DAAM1: variants seen among roughly 807,000 people sequenced by gnomAD.
The protein encoded by DAAM1 is disheveled-associated activator of morphogenesis 1.
In DAAM1, 52 loss-of-function variants were observed where a neutral mutation model predicts 130.0. The ratio of observed to expected loss-of-function variants is 0.40; its 90% CI spans 0.32 to 0.50. The LOEUF (loss-of-function observed/expected upper bound fraction) is 0.50, where lower values mean the gene tolerates loss of function less well. DAAM1 is among the 20% of genes least tolerant of loss of function. DAAM1 has a pLI of 0.61. For synonymous variants in DAAM1, 452 were observed against 444.5 expected (o/e 1.02, Z -0.21); for missense variants, 1,134 against 1,303.8 (o/e 0.87, Z 2.01).
rs139036975 is a variant in DAAM1, at chr14:59,217,696, G to A, written c.-38+28928G>A. 6.7e-3 allele frequency among the ~76,000 whole-genome samples: 1,020 copies of A among 152,188 alleles called. 15 individuals carry two copies. Among genetic ancestry groups the A allele is most frequent in the African/African-American group, 0.023 (957 of 41,508 alleles). On this transcript the variant is annotated intron_variant, in intron 1 of 24. Coordinates refer to ENST00000360909, the MANE Select transcript of DAAM1 (RefSeq NM_001270520.2). The stretch of plus-strand genomic sequence containing the variant: ...TACAAAAAAGTACAAAAATGAGCCA[G>A]GCACAGTGGCTCATGCCTGTAATCC...
chr14:59,254,077 A>G lies in DAAM1; in HGVS notation c.-37-9364A>G, dbSNP rs1055454388. Among the ~76,000 whole-genome samples, 4 of 152,146 alleles carry G rather than the reference A, an allele frequency of 2.6e-5. No individual in the cohort carries two copies. The East Asian group carries it at 7.7e-4, about 29-fold the overall frequency. On this transcript the variant is annotated intron_variant, in intron 1 of 24. Coordinates refer to ENST00000360909, the MANE Select transcript of DAAM1 (RefSeq NM_001270520.2). ...CCAAAGGGTGGACTGCTTGTTTGGG[A>G]AGATCTGAAGCCTTAAATACCAAAA...
In DAAM1 at chr14:59,230,318, TC is replaced by T. The variant is rs1423482957; in HGVS notation, c.-37-33117del. 6.9e-5 allele frequency among the ~76,000 whole-genome samples: 10 copies of T among 144,180 alleles called. No homozygotes were observed. In the East Asian group the frequency reaches 1.0e-3, roughly 15 times the overall value. The allele number at this position is 144,180 out of a possible 152,430, so 94.6% of individuals were successfully genotyped here. ...ATGCTTAGAGGCTTTTTTTTTTTTT[TC>T]CCCCCACAAGCTAGGATTCCCTTAC... On this transcript the variant is annotated intron_variant, in intron 1 of 24. Coordinates refer to ENST00000360909, the MANE Select transcript of DAAM1 (RefSeq NM_001270520.2).
chr14:59,216,532 C>T (rs1888585580), intron 1 of DAAM1, among the ~76,000 whole-genome samples: 1 of 152,096 alleles, frequency 6.6e-6, no homozygotes, highest in Admixed American at 6.6e-5. Context: ...ACCAGCCTGG[C>T]CAACATGGTG....
At chr14:59,202,220 C>T (rs771521772) in intron 1 of DAAM1, among the ~76,000 whole-genome samples, 5 of 152,182 alleles carry the variant, frequency 3.3e-5, no homozygotes, top group Admixed American at 6.5e-5. Context: ...CCTCCTCTGG[C>T]GTCATAGACG....
chr14:59,273,686 G>A (rs1882827275), intron 2 of DAAM1, among the ~76,000 whole-genome samples: 1 of 152,154 alleles, frequency 6.6e-6, no homozygotes, highest in Non-Finnish European at 1.5e-5. Flanking sequence ...CCTCATATAA[G>A]CCAATACAGG....
chr14:59,220,473 T>G (rs1888734515), intron 1 of DAAM1, among the ~76,000 whole-genome samples: 1 of 152,196 alleles, frequency 6.6e-6, no homozygotes, highest in South Asian at 2.1e-4. Flanking sequence ...TATGACATGG[T>G]TTCCTCAATA....
In DAAM1 at chr14:59,209,774, C is replaced by T. The variant is rs117556421; in HGVS notation, c.-38+21006C>T. On this transcript the variant is annotated intron_variant, in intron 1 of 24. Transcript: ENST00000360909. ...ATACAATGGCTTTATCAAGATGTAA[C>T]CCTGTTGTAAGTCAAGGAACATCTA... 1.9e-3 allele frequency among the ~76,000 whole-genome samples: 293 copies of T among 152,162 alleles called. 5 individuals are homozygous for T. The East Asian group carries it at 0.031, about 16-fold the overall frequency.
chr14:59,327,686 C>T lies in DAAM1; in HGVS notation c.1372+695C>T, dbSNP rs369580804. Among the ~76,000 whole-genome samples the T allele has an allele frequency of 1.1e-3, 166 of 152,178 alleles. 2 individuals are homozygous for T. The highest frequency in any genetic ancestry group is 3.7e-3 in the African/African-American group (154 of 41,520). ...CTGCCCAAAGTGCTGGGATTGCAGG[C>T]GTGAGCCACCGCGCCCGGCCTACTT... On this transcript the variant is annotated intron_variant, in intron 12 of 24. Coordinates refer to ENST00000360909, the MANE Select transcript of DAAM1 (RefSeq NM_001270520.2).
chr14:59,224,116 T>A (rs1311301354), intron 1 of DAAM1, among the ~76,000 whole-genome samples: 6 of 152,184 alleles, frequency 3.9e-5, no homozygotes, highest in Non-Finnish European at 8.8e-5. Flanking sequence ...GCAAACTGAT[T>A]TTGGCTGGCC....
intron 1 of DAAM1, among the ~76,000 whole-genome samples, chr14:59,244,216 T>C (rs1203821282): frequency 6.6e-6 from 1 of 151,242 alleles, no homozygotes; most frequent in African/African-American, 2.4e-5. Context: ...TCCCCAGCTA[T>C]GTGGCACTGT....
intron 1 of DAAM1, among the ~76,000 whole-genome samples, chr14:59,222,869 T>A (rs1888822122): frequency 6.6e-6 from 1 of 152,246 alleles, no homozygotes; most frequent in African/African-American, 2.4e-5. Flanking sequence ...ATTGGGTATA[T>A]AATTGCATGT....
intron 1 of DAAM1, among the ~76,000 whole-genome samples, chr14:59,223,123 C>G (rs1194801684): frequency 6.6e-6 from 1 of 152,232 alleles, no homozygotes; most frequent in South Asian, 2.1e-4. Context: ...TAGGTGCAGG[C>G]TGGGACTAGA....
In DAAM1 at chr14:59,368,981, GTGTGAACGTGTGTA is replaced by G. The variant is rs1454256088; in HGVS notation, c.*126_*139del. 1 of 761,552 alleles carries G rather than the reference GTGTGAACGTGTGTA, an allele frequency of 1.3e-6. No homozygotes were observed. The highest frequency in any genetic ancestry group is 2.1e-6 in the Non-Finnish European group (1 of 475,826). The allele number at this position is 761,552 out of a possible 1,614,324, so 47.2% of individuals were successfully genotyped here. ...TTTTTTCCTTCATCTGTGAGTGAATGTGTGAACGTGTGTATGTAAATGTATGTGTGTATATATTA... is the reference window on the plus strand; with the variant it reads ...TTTTTTCCTTCATCTGTGAGTGAATGTGTAAATGTATGTGTGTATATATTA... On this transcript the variant is annotated 3_prime_UTR_variant, in exon 25 of 25. Transcript: ENST00000360909.
In DAAM1 at chr14:59,330,631, T is replaced by C. The variant is rs1357188545; in HGVS notation, c.1503T>C (p.His501=). The change falls in exon 13 of 25, where the codon CAT becomes CAC. Residue 501 remains histidine, a synonymous_variant. Coordinates refer to ENST00000360909, the MANE Select transcript of DAAM1 (RefSeq NM_001270520.2). The part of the protein sequence containing the change: ...KEKLEKETTE[H]KQVKQQVADL... ...AACTTGAAAAGGAGACTACTGAGCA[T>C]AAGCAAGTCAAGCAGCAGGTGGCGG... The C allele has an allele frequency of 6.2e-7, 1 of 1,613,764 alleles. No homozygotes were observed. The highest frequency in any genetic ancestry group is 8.5e-7 in the Non-Finnish European group (1 of 1,179,974).
intron 22 of DAAM1, 66 bp from the exon 23 acceptor site, chr14:59,363,585 A>G (rs556492462): frequency 1.6e-4 from 251 of 1,593,450 alleles, no homozygotes; most frequent in Non-Finnish European, 2.0e-4. Context: ...GTGAAATATG[A>G]GACGAGGTGT....
chr14:59,198,548 T>G (rs1255942053), intron 1 of DAAM1, among the ~76,000 whole-genome samples: 1 of 152,174 alleles, frequency 6.6e-6, no homozygotes, highest in African/African-American at 2.4e-5. Flanking sequence ...GATTTGCCTT[T>G]CTTCTCTACA....
At chr14:59,199,231 G>A (rs933573694) in intron 1 of DAAM1, among the ~76,000 whole-genome samples, 2 of 152,162 alleles carry the variant, frequency 1.3e-5, no homozygotes, top group African/African-American at 4.8e-5. Flanking sequence ...GAGTCTTTTG[G>A]TGATCATACA....
chr14:59,322,327 C>T (rs1462800480), intron 5 of DAAM1, among the ~76,000 whole-genome samples: 1 of 151,616 alleles, frequency 6.6e-6, no homozygotes, highest in Admixed American at 6.6e-5. Flanking sequence ...GTCTGGGCAA[C>T]ATAGCAAGTC....
intron 1 of DAAM1, among the ~76,000 whole-genome samples, chr14:59,191,153 G>A (rs897150904): frequency 4.6e-5 from 7 of 152,278 alleles, no homozygotes; most frequent in African/African-American, 1.7e-4. Context: ...GAGAGTGTCT[G>A]TGCATGTGTA....
Sources: gnomAD v4.1 joint callset for allele counts (sites outside exome capture counted in the v4.1 genomes callset) on GRCh38, gnomAD v4.1.1 for gene constraint, MANE v1.5 for transcripts, NCBI Gene and HGNC (gene_info 2026-07-23, HGNC 2026-07-21) for gene names.